USP32: variants seen among roughly 807,000 people sequenced by gnomAD.
The protein encoded by USP32 is ubiquitin carboxyl-terminal hydrolase 32.
Under a neutral mutation model 204.8 loss-of-function variants are expected in USP32, and 59 were observed. That is an observed-to-expected ratio of 0.29 (90% CI 0.23 to 0.36). The LOEUF is 0.36. USP32 is among the 10% of genes least tolerant of loss of function. USP32 has a pLI of 1.00. For synonymous variants in USP32, 517 were observed against 678.4 expected, an observed-to-expected ratio of 0.76 and a Z score of 3.70; for missense variants, 1,160 against 1,946.4, an observed-to-expected ratio of 0.60 and a Z score of 7.60.
At chr17:60,258,662 T>C (rs60428903) in intron 9 of USP32, among the ~76,000 whole-genome samples, 3,280 of 152,276 alleles carry the variant, frequency 0.022, 139 homozygotes, top group African/African-American at 0.075. Flanking sequence ...TAAACAGATA[T>C]CTTCAATTTA....
At chr17:60,182,065 A>G (rs913404431) in intron 31 of USP32, among the ~76,000 whole-genome samples, 1 of 152,240 alleles carries the variant, frequency 6.6e-6, no homozygotes, top group Non-Finnish European at 1.5e-5. Context: ...TTTTCCAAAT[A>G]CATATTCCTC....
chr17:60,230,828 A>T (rs1350017839), intron 12 of USP32, among the ~76,000 whole-genome samples: 7 of 152,228 alleles, frequency 4.6e-5, no homozygotes, highest in Non-Finnish European at 1.0e-4. Flanking sequence ...TTCCTTCTAT[A>T]AGATGAACAA....
chr17:60,208,503 C>A (rs1482878886), intron 23 of USP32, 151 bp downstream of exon 23: 68 of 1,305,128 alleles, frequency 5.2e-5, no homozygotes, highest in Non-Finnish European at 6.4e-5. Flanking sequence ...TCTTTCAAAC[C>A]TCAAGTCATG....
At chr17:60,389,327 T>C (rs917196462) in intron 1 of USP32, among the ~76,000 whole-genome samples, 14 of 151,544 alleles carry the variant, frequency 9.2e-5, no homozygotes, top group Admixed American at 7.9e-4. Context: ...GGATCACCTG[T>C]GGTTGAGAGT....
At chr17:60,275,458 AAAAC>A (rs1438807709) in intron 5 of USP32, among the ~76,000 whole-genome samples, 3 of 152,102 alleles carry the variant, frequency 2.0e-5, no homozygotes, top group East Asian at 1.9e-4. Context: ...CTCCATCTCA[AAAAC>A]AAACAAACAA....
chr17:60,410,334 A>T (rs59855934), intron 1 of USP32, among the ~76,000 whole-genome samples: 33,222 of 151,458 alleles, frequency 0.22, 9,025 homozygotes, highest in African/African-American at 0.64. Flanking sequence ...CAATCAGCAT[A>T]CCCCATTCCC....
At position 60,181,511 on chromosome 17, in the gene USP32, C is replaced by G. The variant is rs1191460450; in HGVS notation, c.4361G>C (p.Ser1454Thr). 6.2e-7 allele frequency: 1 copy of G among 1,614,000 alleles called. No individual in the cohort carries two copies. The highest frequency in any genetic ancestry group is 8.5e-7 in the Non-Finnish European group (1 of 1,179,872). ...CTGAGGAGTGACCAACTCTGGTTGG[C>G]TGCCCCCCAGCACATGCCCTCGACT... The part of the protein sequence containing the change: ...ALSRGHVLGG[S>T]QPELVTPQDH... The change falls in exon 32 of 34, where the codon AGC becomes ACC. Residue 1454 changes from serine to threonine, a missense_variant. Ser to Thr is a moderately conservative substitution (Grantham distance 58). This residue lies in a region of USP32 where 244 missense variants were observed against 342.3 expected (regional missense o/e 0.71). Transcript: ENST00000300896.
chr17:60,418,396 GTTTTTTT>G (rs569143215), intron 1 of USP32, among the ~76,000 whole-genome samples: 3 of 118,428 alleles, frequency 2.5e-5, no homozygotes, highest in Non-Finnish European at 5.4e-5. Flanking sequence ...CCTGGCCTCT[GTTTTTTT>G]TTTTTTTTTT....
At chr17:60,199,221 T>C (rs2084610147) in intron 26 of USP32, among the ~76,000 whole-genome samples, 1 of 152,154 alleles carries the variant, frequency 6.6e-6, no homozygotes, top group African/African-American at 2.4e-5. Flanking sequence ...GGAGTGGCAA[T>C]TTCCAAAGTT....
chr17:60,223,401 A>C lies in USP32; in HGVS notation c.1608+10T>G. 1 of 1,598,114 alleles carries C rather than the reference A, an allele frequency of 6.3e-7. No homozygotes were observed. The highest frequency in any genetic ancestry group is 2.2e-5 in the East Asian group (1 of 44,806). On this transcript the variant is annotated intron_variant, in intron 14 of 33. Transcript: ENST00000300896. ...AGAATAATTTTAAGTTTAGATGTAA[A>C]ATTACTTACCTTTACTGGTTCTTGA...
At chr17:60,309,573 G>A (rs2087806862) in intron 2 of USP32, among the ~76,000 whole-genome samples, 1 of 152,144 alleles carries the variant, frequency 6.6e-6, no homozygotes, top group Admixed American at 6.6e-5. Flanking sequence ...CTGCTCTCCA[G>A]TGTGGGCAAT....
intron 1 of USP32, among the ~76,000 whole-genome samples, chr17:60,366,219 C>T (rs1251669031): frequency 2.6e-5 from 4 of 152,010 alleles, no homozygotes; most frequent in Non-Finnish European, 4.4e-5. Flanking sequence ...AGTGCAGTGG[C>T]GCGATCTCGG....
chr17:60,360,184 C>A (rs1325471913), intron 1 of USP32, among the ~76,000 whole-genome samples: 3 of 151,810 alleles, frequency 2.0e-5, no homozygotes, highest in South Asian at 2.1e-4. Context: ...GACAAAGATC[C>A]TTAAACCTGG....
At chr17:60,264,857 CAAAAAAAAA>C (rs34027846) in intron 9 of USP32, among the ~76,000 whole-genome samples, 23 of 43,514 alleles carry the variant, frequency 5.3e-4, no homozygotes, top group East Asian at 1.2e-3. Context: ...AAGACTCTGT[CAAAAAAAAA>C]AAAAAAAAAA....
At chr17:60,248,328 A>G (rs2145694765) in intron 11 of USP32, among the ~76,000 whole-genome samples, 1 of 152,328 alleles carries the variant, frequency 6.6e-6, no homozygotes, top group African/African-American at 2.4e-5. Flanking sequence ...CAACACTTTG[A>G]CAATGATATG....
intron 12 of USP32, among the ~76,000 whole-genome samples, chr17:60,228,817 CTT>C (rs1428042615): frequency 1.3e-5 from 2 of 150,142 alleles, no homozygotes; most frequent in African/African-American, 2.5e-5. Flanking sequence ...GAGCGAGACT[CTT>C]TGTTTTTTTT....
At chr17:60,364,613 G>A (rs1323764293) in intron 1 of USP32, among the ~76,000 whole-genome samples, 3 of 152,168 alleles carry the variant, frequency 2.0e-5, no homozygotes, top group Admixed American at 6.5e-5. Flanking sequence ...CTGGCCTCAA[G>A]TGATCTGCCT....
intron 20 of USP32, 103 bp downstream of exon 20, chr17:60,211,273 G>C: frequency 7.2e-6 from 11 of 1,521,356 alleles, no homozygotes; most frequent in Non-Finnish European, 9.7e-6. Flanking sequence ...GGGCAAATAA[G>C]ATAAAATCTT....
chr17:60,349,131 GAAT>G lies in USP32; in HGVS notation c.59-3526_59-3524del, dbSNP rs550247027. 4.3e-3 allele frequency among the ~76,000 whole-genome samples: 640 copies of G among 150,244 alleles called. 5 individuals carry two copies. Among genetic ancestry groups the G allele is most frequent in the African/African-American group, 0.015 (612 of 41,128 alleles). On this transcript the variant is annotated intron_variant, in intron 1 of 33. Transcript: ENST00000300896. ...TAGAATAATATATGACTAAATATTA[GAAT>G]AACATAGTATTAGAATATATTACAA...
Sources: gnomAD v4.1 joint callset for allele counts (sites outside exome capture counted in the v4.1 genomes callset) on GRCh38, gnomAD v4.1.1 for gene constraint, gnomAD v4.1.1 regional missense constraint, MANE v1.5 for transcripts, NCBI Gene and HGNC (gene_info 2026-07-23, HGNC 2026-07-21) for gene names.